PTPN4: variants seen among roughly 807,000 people sequenced by gnomAD.
The protein encoded by PTPN4 is tyrosine-protein phosphatase non-receptor type 4.
A neutral mutation model predicts 135.5 loss-of-function variants in PTPN4; 49 were observed. The observed-to-expected ratio is 0.36, with a 90% CI of 0.29 to 0.46. PTPN4 has a LOEUF of 0.46. Ranked by LOEUF, PTPN4 falls within the 20% of genes least tolerant of loss-of-function variation. The pLI is 1.00. For synonymous variants in PTPN4, 333 were observed against 369.9 expected, an observed-to-expected ratio of 0.90 and a Z score of 1.14; for missense variants, 860 against 1,101.0, an observed-to-expected ratio of 0.78 and a Z score of 3.10.
rs1266228053 is a variant in PTPN4 at position 119,980,273 on chromosome 2, G to A, written c.*3203G>A. 1 of 152,050 alleles carries A rather than the reference G, an allele frequency of 6.6e-6. No individual in the cohort carries two copies. The highest frequency in any genetic ancestry group is 1.5e-5 in the Non-Finnish European group (1 of 67,926). The allele number at this position is 152,050 out of a possible 1,614,324, so 9.4% of individuals were successfully genotyped here. ...GCTACTTTTGTGTGTTTATTTATAT[G>A]TATATTTCACAAAGGCTAATGCCCA... On this transcript the variant is annotated 3_prime_UTR_variant, in exon 27 of 27. Coordinates refer to ENST00000263708, the MANE Select transcript of PTPN4 (RefSeq NM_002830.4).
chr2:119,932,541 T>A lies in PTPN4; in HGVS notation c.1188T>A (p.Thr396=). ...TTCCATCACGATCTCCACCGGGAACTCCTAATCAGTAAGTGTGAATTTTGT... is the reference window on the plus strand; with the variant it reads ...TTCCATCACGATCTCCACCGGGAACACCTAATCAGTAAGTGTGAATTTTGT... The part of the protein sequence containing the change: ...QSLPSRSPPG[T]PNHRNSTFTQ... Residue 396 remains threonine, a synonymous_variant, in exon 14 of 27, where the codon ACT becomes ACA. Transcript: ENST00000263708. The A allele has an allele frequency of 1.2e-6, 2 of 1,605,304 alleles. No homozygotes were observed. Among genetic ancestry groups the A allele is most frequent in the Non-Finnish European group, 1.7e-6 (2 of 1,176,474 alleles).
At chr2:119,767,442 C>T (rs928626111) in intron 1 of PTPN4, among the ~76,000 whole-genome samples, 73 of 152,268 alleles carry the variant, frequency 4.8e-4, no homozygotes, top group East Asian at 3.9e-4. Context: ...CCTACATAAC[C>T]GCCAAATCAG....
At chr2:119,948,039 C>A (rs867695719) in intron 18 of PTPN4, among the ~76,000 whole-genome samples, 1 of 151,540 alleles carries the variant, frequency 6.6e-6, no homozygotes, top group South Asian at 2.1e-4. Flanking sequence ...GGGACAAGAC[C>A]GGGGATATTA....
intron 10 of PTPN4, among the ~76,000 whole-genome samples, chr2:119,902,974 G>A (rs1482992360): frequency 6.6e-6 from 1 of 152,152 alleles, no homozygotes; most frequent in Non-Finnish European, 1.5e-5. Context: ...ACATCCTGCA[G>A]TGAGGCCCAG....
At chr2:119,943,709 C>T (rs978794573) in intron 15 of PTPN4, among the ~76,000 whole-genome samples, 1 of 151,522 alleles carries the variant, frequency 6.6e-6, no homozygotes, top group Non-Finnish European at 1.5e-5. Flanking sequence ...CCTCAGCCCC[C>T]CCGAGTAGCT....
chr2:119,967,985 C>T lies in PTPN4; in HGVS notation c.2694+13C>T, dbSNP rs926946132. ...GATCCAAACACCTGTGAGTACTGTA[C>T]TTTATATACAAGTGTATATTCTTAA... On this transcript the variant is annotated intron_variant, in intron 26 of 26. Coordinates refer to ENST00000263708, the MANE Select transcript of PTPN4 (RefSeq NM_002830.4). The T allele has an allele frequency of 6.4e-7, 1 of 1,554,180 alleles. No individual in the cohort carries two copies. Among genetic ancestry groups the T allele is most frequent in the Non-Finnish European group, 8.8e-7 (1 of 1,141,220 alleles).
intron 26 of PTPN4, among the ~76,000 whole-genome samples, chr2:119,974,982 A>T (rs1318409105): frequency 6.6e-6 from 1 of 152,222 alleles, no homozygotes; most frequent in Non-Finnish European, 1.5e-5. Context: ...GTTTCAGAAT[A>T]ACAACACTAC....
intron 10 of PTPN4, among the ~76,000 whole-genome samples, chr2:119,906,286 T>C (rs1462091794): frequency 1.3e-5 from 2 of 152,092 alleles, no homozygotes; most frequent in Non-Finnish European, 2.9e-5. Context: ...GGAGGATCAC[T>C]TGTGCTCAGG....
chr2:119,798,137 T>TTATACATA (rs909462133), intron 1 of PTPN4, among the ~76,000 whole-genome samples: 5 of 152,124 alleles, frequency 3.3e-5, no homozygotes, highest in Non-Finnish European at 7.4e-5. Flanking sequence ...CAGCAGCTGT[T>TTATACATA]TATACATATA....
chr2:119,819,686 C>T (rs1227598943), intron 2 of PTPN4, among the ~76,000 whole-genome samples: 3 of 152,218 alleles, frequency 2.0e-5, no homozygotes, highest in East Asian at 3.8e-4. Flanking sequence ...TTGATCTGGG[C>T]ATAGCCGTTG....
chr2:119,874,249 T>C (rs1285996393), intron 3 of PTPN4, among the ~76,000 whole-genome samples: 2 of 152,216 alleles, frequency 1.3e-5, no homozygotes, highest in Non-Finnish European at 2.9e-5. Flanking sequence ...GGTACAGCCA[T>C]TGTGGAAACA....
intron 2 of PTPN4, among the ~76,000 whole-genome samples, chr2:119,836,490 C>CA (rs1430483292): frequency 1.3e-5 from 2 of 152,266 alleles, no homozygotes; most frequent in Non-Finnish European, 2.9e-5. Flanking sequence ...GCTGCAAAGA[C>CA]ACCAACTGCA....
chr2:119,970,338 G>A (rs1253279416), intron 26 of PTPN4, among the ~76,000 whole-genome samples: 1 of 152,102 alleles, frequency 6.6e-6, no homozygotes, highest in African/African-American at 2.4e-5. Context: ...GGGATTACAG[G>A]CATGAGCCAC....
At chr2:119,837,433 T>C (rs1677312397) in intron 2 of PTPN4, among the ~76,000 whole-genome samples, 1 of 151,846 alleles carries the variant, frequency 6.6e-6, no homozygotes, top group African/African-American at 2.4e-5. Context: ...CTGGACGACC[T>C]GCCTGTGGAA....
intron 2 of PTPN4, among the ~76,000 whole-genome samples, chr2:119,846,552 A>ATT (rs544118988): frequency 4.4e-4 from 62 of 139,886 alleles, no homozygotes; most frequent in African/African-American, 1.5e-3. Flanking sequence ...CTTGCGTCTT[A>ATT]TTTTTTTTTT....
At chr2:119,800,481 A>G (rs1433743422) in intron 1 of PTPN4, among the ~76,000 whole-genome samples, 1 of 145,934 alleles carries the variant, frequency 6.9e-6, no homozygotes, top group African/African-American at 2.5e-5. Flanking sequence ...AGAGTTTATT[A>G]CATATTCTGA....
intron 1 of PTPN4, among the ~76,000 whole-genome samples, chr2:119,763,543 T>C (rs1470645675): frequency 1.3e-5 from 2 of 152,210 alleles, no homozygotes; most frequent in African/African-American, 4.8e-5. Flanking sequence ...GGAAATGAAA[T>C]AACTTGTCTA....
chr2:119,949,350 CG>C (rs1360282940), intron 18 of PTPN4, among the ~76,000 whole-genome samples: 1 of 152,126 alleles, frequency 6.6e-6, no homozygotes, highest in Non-Finnish European at 1.5e-5. Flanking sequence ...TTTAGGCAAT[CG>C]GGGGAAAAGG....
chr2:119,909,611 A>G (rs544908096), intron 10 of PTPN4, among the ~76,000 whole-genome samples: 6 of 152,290 alleles, frequency 3.9e-5, no homozygotes, highest in African/African-American at 1.2e-4. Flanking sequence ...CTTTTTTAAG[A>G]AACATATTTT....
Sources: allele counts gnomAD v4.1 joint callset (sites outside exome capture counted in the v4.1 genomes callset), GRCh38; gene constraint gnomAD v4.1.1; transcripts MANE v1.5; gene names NCBI Gene and HGNC (gene_info 2026-07-23, HGNC 2026-07-21).